The following FSTL4 variants were observed in gnomAD, a reference collection of about 807,000 sequenced individuals.
FSTL4 encodes the protein follistatin-related protein 4.
In FSTL4, 28 loss-of-function variants were observed where a neutral mutation model predicts 78.2. The observed-to-expected ratio is 0.36, with a 90% confidence interval of 0.27 to 0.49. FSTL4 has a LOEUF of 0.49. Ranked by LOEUF, FSTL4 falls within the 20% of genes least tolerant of loss-of-function variation. The pLI, the probability that FSTL4 is intolerant of heterozygous loss-of-function variation, is 0.98. For missense variants in FSTL4, 922 were observed against 1,084.9 expected (o/e 0.85, Z 2.11); for synonymous variants, 422 against 440.5 (o/e 0.96, Z 0.53).
At chr5:133,728,958 C>G in the FSTL4 span, among the ~76,000 whole-genome samples, 1 of 152,180 alleles carries the variant, frequency 6.6e-6, no homozygotes, top group Non-Finnish European at 1.5e-5. Flanking sequence ...GGCCCAAGAA[C>G]TGCCTTGAGT....
At chr5:133,348,083 A>G (rs943794595) in intron 4 of FSTL4, among the ~76,000 whole-genome samples, 5 of 152,192 alleles carry the variant, frequency 3.3e-5, no homozygotes, top group Admixed American at 6.5e-5. Context: ...TTCTTCCACC[A>G]TTAAAATAAG....
At chr5:133,373,992 AG>A (rs1755376550) in intron 4 of FSTL4, among the ~76,000 whole-genome samples, 1 of 152,144 alleles carries the variant, frequency 6.6e-6, no homozygotes, top group Non-Finnish European at 1.5e-5. Flanking sequence ...CACAGATGTG[AG>A]GGCTAAGCTG....
chr5:133,245,151 A>AAGACATC (rs1272258961), intron 7 of FSTL4, among the ~76,000 whole-genome samples: 61 of 150,424 alleles, frequency 4.1e-4, no homozygotes, highest in African/African-American at 1.3e-3. Context: ...AGGCAAAGTG[A>AAGACATC]AGACATCATG....
intron 3 of FSTL4, among the ~76,000 whole-genome samples, chr5:133,480,883 CCTTTCAG>C (rs1758014364): frequency 1.3e-5 from 2 of 152,276 alleles, no homozygotes; most frequent in South Asian, 4.1e-4. Flanking sequence ...GCTTCACCTA[CCTTTCAG>C]CAAAACTTCC....
Position 133,225,898 on chromosome 5 carries a change from G to T in FSTL4, c.1016-79C>A. 1.7e-6 allele frequency: 2 copies of T among 1,175,278 alleles called. No homozygotes were observed. Among genetic ancestry groups the T allele is most frequent in the Non-Finnish European group, 2.3e-6 (2 of 868,506 alleles). The allele number at this position is 1,175,278 out of a possible 1,614,324, so 72.8% of individuals were successfully genotyped here. A position where few individuals can be genotyped will look rare whatever the true frequency, so the allele number is the denominator to read the frequency against. ...GGCCTGTGGCCCAACCTGAGACCCTGCTCCAGAGGGGGTGAACCCAAGTAG... is the reference window on the plus strand; with the variant it reads ...GGCCTGTGGCCCAACCTGAGACCCTTCTCCAGAGGGGGTGAACCCAAGTAG... On this transcript the variant is annotated intron_variant, in intron 8 of 15. Coordinates refer to ENST00000265342, the MANE Select transcript of FSTL4 (RefSeq NM_015082.2). The surrounding 1 kb of genome is among the most constrained non-coding windows in gnomAD (Gnocchi z 4.6).
intron 3 of FSTL4, among the ~76,000 whole-genome samples, chr5:133,467,388 G>T (rs1757739709): frequency 6.6e-6 from 1 of 152,088 alleles, no homozygotes; most frequent in Non-Finnish European, 1.5e-5. Context: ...TGCAGGAGGA[G>T]GCTGGCTCTC....
chr5:133,222,265 T>G (rs1470483689), intron 11 of FSTL4, among the ~76,000 whole-genome samples: 1 of 151,910 alleles, frequency 6.6e-6, no homozygotes, highest in African/African-American at 2.4e-5. Context: ...CCATAAGCAA[T>G]CCCGGGGGAA....
chr5:133,695,208 C>G, the FSTL4 span, among the ~76,000 whole-genome samples: 3 of 152,160 alleles, frequency 2.0e-5, no homozygotes, highest in African/African-American at 4.8e-5. Flanking sequence ...TAGCTACCAG[C>G]TTCTGAGCAC....
chr5:133,199,569 AT>A lies in FSTL4; in HGVS notation c.2054del (p.Asn685MetfsTer4), dbSNP rs1750254593. 1 of 1,613,988 alleles carries A rather than the reference AT, an allele frequency of 6.2e-7. No homozygotes were observed. Among genetic ancestry groups the A allele is most frequent in the Non-Finnish European group, 8.5e-7 (1 of 1,179,910 alleles). On this transcript the variant is annotated frameshift_variant, in exon 16 of 16. Coordinates refer to ENST00000265342, the MANE Select transcript of FSTL4 (RefSeq NM_015082.2). LOFTEE classifies it low-confidence loss of function (END_TRUNC). This position sits in a 1 kb window ranked among gnomAD's most constrained non-coding sequence, Gnocchi z 4.4. ...TGTGTGGGGTGCCTGTTACATCACC[AT>A]TGGGGCCAAGCACAGAGTCTGTGAC... is the stretch of plus-strand genomic sequence containing the variant. ...DSVTDSVLGP[N>X]GDVTGTPHTS...
the FSTL4 span, among the ~76,000 whole-genome samples, chr5:133,719,350 C>T: frequency 6.6e-6 from 1 of 152,080 alleles, no homozygotes; most frequent in South Asian, 2.1e-4. Context: ...CTACAGTCTG[C>T]TATGGCCAAT....
chr5:133,374,544 A>C (rs1200733702), intron 4 of FSTL4, among the ~76,000 whole-genome samples: 2 of 152,156 alleles, frequency 1.3e-5, no homozygotes, highest in Non-Finnish European at 2.9e-5. Context: ...TAAACAAGCA[A>C]ACCAAAAACC....
rs898538904 is a variant in FSTL4, at chr5:133,197,749, G to A, written c.*1346C>T. 8 of 152,226 alleles carry A rather than the reference G, an allele frequency of 5.3e-5. No individual in the cohort carries two copies. The highest frequency in any genetic ancestry group is 1.9e-4 in the African/African-American group (8 of 41,448). The allele number at this position is 152,226 out of a possible 1,614,324, so 9.4% of individuals were successfully genotyped here. On this transcript the variant is annotated 3_prime_UTR_variant, in exon 16 of 16. Transcript: ENST00000265342. ...ATCATTCAAACCAGGACACATGTAA[G>A]TTCCACTCATATGTGGGAGAGGGAA...
chr5:133,452,430 T>C (rs1757403120), intron 3 of FSTL4, among the ~76,000 whole-genome samples: 1 of 152,244 alleles, frequency 6.6e-6, no homozygotes, highest in South Asian at 2.1e-4. Flanking sequence ...AGAGAAATTT[T>C]CCTGAGCTAA....
chr5:133,725,158 C>T, the FSTL4 span, among the ~76,000 whole-genome samples: 3 of 152,204 alleles, frequency 2.0e-5, no homozygotes, highest in African/African-American at 7.2e-5. Flanking sequence ...AGCCCTCCAA[C>T]ACTGTTCTTC....
chr5:133,536,605 T>C (rs187285915), intron 3 of FSTL4, among the ~76,000 whole-genome samples: 1 of 152,242 alleles, frequency 6.6e-6, no homozygotes, highest in East Asian at 1.9e-4. Context: ...ATAAAGTATA[T>C]GTGGCATATA....
the FSTL4 span, among the ~76,000 whole-genome samples, chr5:133,648,843 ACAAT>A: frequency 6.6e-6 from 1 of 152,198 alleles, no homozygotes; most frequent in African/African-American, 2.4e-5. Flanking sequence ...GACATTGGTT[ACAAT>A]CAATGACTCT....
At chr5:133,653,093 C>T in the FSTL4 span, among the ~76,000 whole-genome samples, 1 of 152,194 alleles carries the variant, frequency 6.6e-6, no homozygotes, top group Non-Finnish European at 1.5e-5. Context: ...CATACACCTA[C>T]ATGCACATAC....
the FSTL4 span, among the ~76,000 whole-genome samples, chr5:133,639,146 G>A: frequency 1.3e-5 from 2 of 151,894 alleles, no homozygotes; most frequent in African/African-American, 4.8e-5. Flanking sequence ...TCCCCGACAG[G>A]CCCCAGTGTG....
chr5:133,350,016 T>A (rs1186120259), intron 4 of FSTL4, among the ~76,000 whole-genome samples: 1 of 146,476 alleles, frequency 6.8e-6, no homozygotes, highest in Non-Finnish European at 1.5e-5. Flanking sequence ...ATGTTTGTCA[T>A]GCTGCCATGC....
Sources: allele counts gnomAD v4.1 joint callset (sites outside exome capture counted in the v4.1 genomes callset), GRCh38; gene constraint gnomAD v4.1.1; non-coding constraint Gnocchi (gnomAD v3.1); transcripts MANE v1.5; gene names NCBI Gene and HGNC (gene_info 2026-07-23, HGNC 2026-07-21).